ATM: variants seen among roughly 807,000 people sequenced by gnomAD.
ATM encodes ATM serine/threonine kinase, also known as serine-protein kinase ATM.
Under a neutral mutation model 387.0 loss-of-function variants are expected in ATM, and 308 were observed. The observed-to-expected ratio is 0.80, with a 90% confidence interval of 0.73 to 0.87. The LOEUF is 0.87. Among genes scored for constraint, ATM ranks in the 40% least tolerant of loss-of-function variants. ATM has a pLI of 0.00. For missense variants in ATM, 3,312 were observed against 3,560.9 expected, an observed-to-expected ratio of 0.93 and a Z score of 1.78; for synonymous variants, 1,156 against 1,187.3, an observed-to-expected ratio of 0.97 and a Z score of 0.54.
rs746762110 is a variant in ATM, at chr11:108,229,283, C to T, written c.291C>T (p.Ile97=). The T allele has an allele frequency of 1.2e-5, 19 of 1,613,386 alleles. No individual in the cohort carries two copies. Among genetic ancestry groups the T allele is most frequent in the Non-Finnish European group, 1.5e-5 (18 of 1,179,680 alleles). Residue 97 remains isoleucine (I), a synonymous_variant, in exon 4 of 63, where the codon ATC becomes ATT. Coordinates refer to ENST00000675843, the MANE Select transcript of ATM (RefSeq NM_000051.4). ...CCAGGCAGAAAAAGATGCAGGAAAT[C>T]AGTAGTTTGGTCAAATACTTCATCA... ...QASRQKKMQE[I]SSLVKYFIKC... is the part of the protein sequence containing the mutation.
chr11:108,319,795 C>G (rs1472481760), intron 43 of ATM, among the ~76,000 whole-genome samples, 159 bp from the exon 44 acceptor site: 1 of 152,136 alleles, frequency 6.6e-6, no homozygotes, highest in Non-Finnish European at 1.5e-5. Context: ...ATTTAAATGA[C>G]TCATAAAATT....
At chr11:108,249,384 C>T (rs891336095) in intron 9 of ATM, among the ~76,000 whole-genome samples, 7 of 152,150 alleles carry the variant, frequency 4.6e-5, no homozygotes, top group Admixed American at 3.9e-4. Context: ...AAGTGTGCAC[C>T]TCATGGAATT....
intron 5 of ATM, among the ~76,000 whole-genome samples, chr11:108,237,281 TCTAGGTTAC>T (rs2079325968): frequency 6.6e-6 from 1 of 152,170 alleles, no homozygotes; most frequent in African/African-American, 2.4e-5. Context: ...GCTGGTGATA[TCTAGGTTAC>T]CTAACCAGAT....
At chr11:108,340,984 C>A (rs227071) in intron 56 of ATM, among the ~76,000 whole-genome samples, 151,489 of 152,264 alleles carry the variant, frequency 0.99, 75,369 homozygotes, top group Middle Eastern at 1. Context: ...GAATCTGCAG[C>A]TGCAGAGGGC....
chr11:108,317,535 CTTGA>C lies in ATM; in HGVS notation c.6347+17_6347+20del. The C allele has an allele frequency of 6.4e-7, 1 of 1,571,264 alleles. No individual in the cohort carries two copies. Among genetic ancestry groups the C allele is most frequent in the Non-Finnish European group, 8.6e-7 (1 of 1,160,340 alleles). On this transcript the variant is annotated intron_variant, in intron 43 of 62. Coordinates refer to ENST00000675843, the MANE Select transcript of ATM (RefSeq NM_000051.4). ...CACTTCCGTCAGGTAAGAAATTTGACTTGATTTTTTTTTTTTTGCCTCTCTCCTC... is the reference window on the plus strand; with the variant it reads ...CACTTCCGTCAGGTAAGAAATTTGACTTTTTTTTTTTTTGCCTCTCTCCTC...
chr11:108,365,489 G>T lies in ATM; in HGVS notation c.9152G>T (p.Gly3051Val), dbSNP rs1555152073. ...DPKNLSRLFP[G>V]WKAWV ...AAAAATCTCAGCCGACTTTTCCCAG[G>T]ATGGAAAGCTTGGGTGTGATCTTCA... Residue 3051 changes from glycine to valine, a missense_variant, in exon 63 of 63, where the codon GGA (glycine) becomes GTA (valine). By Grantham distance (109) the Gly-to-Val change is moderately radical. Around this residue, in one of 4 missense-constraint regions of ATM, gnomAD observed 95 missense variants for 100.3 expected, o/e 0.95. Transcript: ENST00000675843. 1 of 1,614,134 alleles carries T rather than the reference G, an allele frequency of 6.2e-7. No homozygotes were observed. Among genetic ancestry groups the T allele is most frequent in the Non-Finnish European group, 8.5e-7 (1 of 1,180,012 alleles).
chr11:108,271,056 C>T lies in ATM; in HGVS notation c.2839-8C>T, dbSNP rs1555084596. ...TAAACCTGATTTTTTTCCCTCCTAC[C>T]ATCTTAGTATCTAATGCTTTTAAAG... On this transcript the variant is annotated splice_region_variant and splice_polypyrimidine_tract_variant and intron_variant, in intron 18 of 62. Coordinates refer to ENST00000675843, the MANE Select transcript of ATM (RefSeq NM_000051.4). The T allele has an allele frequency of 6.2e-7, 1 of 1,611,316 alleles. No individual in the cohort carries two copies. The highest frequency in any genetic ancestry group is 8.5e-7 in the Non-Finnish European group (1 of 1,177,638).
chr11:108,348,405 G>GTA (rs957115312), intron 59 of ATM, among the ~76,000 whole-genome samples: 19 of 146,376 alleles, frequency 1.3e-4, no homozygotes, highest in Non-Finnish European at 7.5e-5. Flanking sequence ...TAGCTTCTAT[G>GTA]TATATATATA....
At chr11:108,296,489 T>C (rs2083128526) in intron 32 of ATM, among the ~76,000 whole-genome samples, 1 of 151,946 alleles carries the variant, frequency 6.6e-6, no homozygotes, top group Non-Finnish European at 1.5e-5. Context: ...TGACCTCAAG[T>C]GATCCATCTG....
chr11:108,303,187 A>G (rs774536894), intron 36 of ATM, among the ~76,000 whole-genome samples, 158 bp downstream of exon 36: 9 of 152,152 alleles, frequency 5.9e-5, no homozygotes, highest in Admixed American at 5.2e-4. Context: ...AACTTTATGC[A>G]TTAGGTTTCA....
chr11:108,244,692 G>GA (rs1555066868), intron 6 of ATM, 96 bp from the exon 7 acceptor site: 117 of 955,922 alleles, frequency 1.2e-4, no homozygotes, highest in Admixed American at 2.2e-4. Flanking sequence ...TTAGGGTTTT[G>GA]TTTTTTTTTC....
In ATM at chr11:108,297,362, C is replaced by T. The variant is rs1591692969; in HGVS notation, c.4985C>T (p.Thr1662Ile). The T allele has an allele frequency of 1.2e-6, 2 of 1,613,876 alleles. No homozygotes were observed. Residue 1662 changes from threonine (T) to isoleucine (I), a missense_variant, in exon 33 of 63, where the codon ACT becomes ATT. Transcript: ENST00000675843. ...TTATCCAAGATGGCAATAAACCACA[C>T]TGGTGAAAAAGAAGTTCTAGGTAAA... ...LQLSKMAINH[T>I]GEKEVLEAVG...
chr11:108,360,357 T>G (rs1327505470), intron 61 of ATM, among the ~76,000 whole-genome samples: 1 of 151,490 alleles, frequency 6.6e-6, no homozygotes, highest in Non-Finnish European at 1.5e-5. Context: ...AGCTGAATTC[T>G]ACCAGAGGTA....
Position 108,256,349 on chromosome 11 carries a change from A to G in ATM, c.2250+9A>G, listed in dbSNP as rs755569951. The G allele has an allele frequency of 3.1e-6, 5 of 1,606,080 alleles. No individual in the cohort carries two copies. In the South Asian group the frequency reaches 4.4e-5, roughly 14 times the overall value. Reference sequence around the variant, plus strand: ...TATTCCAGAAAGCCAAGGTAGGAGAATTTATACTAATAAAGTTTCGGATAA... The same window carrying G: ...TATTCCAGAAAGCCAAGGTAGGAGAGTTTATACTAATAAAGTTTCGGATAA... On this transcript the variant is annotated intron_variant, in intron 14 of 62. Transcript: ENST00000675843.
chr11:108,336,095 G>A (rs1381702645), intron 56 of ATM, 134 bp downstream of exon 56: 1 of 676,926 alleles, frequency 1.5e-6, no homozygotes, highest in Non-Finnish European at 2.6e-6. Context: ...CCAGGAGTTC[G>A]AGACCAGCCT....
rs563140198 is a variant in ATM, at chr11:108,273,331, C to CT, written c.3284+506dup. Reference sequence around the variant, plus strand: ...GGAATAAACATATATTAATTTCATTCTTTTTTTTTTTTTTTTTTTTTTTTT... The same window carrying CT: ...GGAATAAACATATATTAATTTCATTCTTTTTTTTTTTTTTTTTTTTTTTTTT... On this transcript the variant is annotated intron_variant, in intron 22 of 62. Coordinates refer to ENST00000675843, the MANE Select transcript of ATM (RefSeq NM_000051.4). Among the ~76,000 whole-genome samples, 427 of 80,656 alleles carry CT rather than the reference C, an allele frequency of 5.3e-3. 27 individuals carry two copies. The highest frequency in any genetic ancestry group is 7.1e-3 in the Middle Eastern group (1 of 140). 52.9% of individuals were successfully genotyped at this position (80,656 alleles called of 152,430 possible).
At chr11:108,266,378 C>T (rs900046759) in intron 16 of ATM, among the ~76,000 whole-genome samples, 8 of 151,328 alleles carry the variant, frequency 5.3e-5, no homozygotes, top group African/African-American at 7.3e-5. Flanking sequence ...AGTAAACTGT[C>T]GCAAGAAGAA....
intron 16 of ATM, among the ~76,000 whole-genome samples, chr11:108,264,351 C>T (rs1050938754): frequency 2.0e-5 from 3 of 152,118 alleles, no homozygotes; most frequent in Admixed American, 6.6e-5. Flanking sequence ...AAATGTAATC[C>T]AGCATGTAAA....
At chr11:108,264,500 C>G (rs1458475662) in intron 16 of ATM, among the ~76,000 whole-genome samples, 2 of 152,094 alleles carry the variant, frequency 1.3e-5, no homozygotes, top group East Asian at 1.9e-4. Context: ...TAAGAGCTAT[C>G]TATGACAGTC....
Sources: gnomAD v4.1 joint callset for allele counts (sites outside exome capture counted in the v4.1 genomes callset) on GRCh38, gnomAD v4.1.1 for gene constraint, gnomAD v4.1.1 regional missense constraint, MANE v1.5 for transcripts, NCBI Gene and HGNC (gene_info 2026-07-23, HGNC 2026-07-21) for gene names.